Variants in SEMA3A observed in about 807,000 individuals in gnomAD.
The protein encoded by SEMA3A is semaphorin-3A.
In SEMA3A, 29 loss-of-function variants were observed where a neutral mutation model predicts 97.9. That is an observed-to-expected ratio of 0.30 (90% CI 0.22 to 0.40). SEMA3A has a LOEUF of 0.40. SEMA3A is among the 10% of genes least tolerant of loss of function. SEMA3A has a pLI of 1.00. For missense variants in SEMA3A, 763 were observed against 951.3 expected, an observed-to-expected ratio of 0.80 and a Z score of 2.60; for synonymous variants, 321 against 323.7, an observed-to-expected ratio of 0.99 and a Z score of 0.09.
chr7:84,031,829 T>C (rs560960403), intron 6 of SEMA3A, among the ~76,000 whole-genome samples: 1 of 152,016 alleles, frequency 6.6e-6, no homozygotes, highest in South Asian at 2.1e-4. Context: ...AGAGTGAAAC[T>C]CCATCTCAAA....
intron 2 of SEMA3A, among the ~76,000 whole-genome samples, chr7:84,132,654 G>A (rs1795996446): frequency 7.4e-6 from 1 of 135,710 alleles, no homozygotes; most frequent in Non-Finnish European, 1.6e-5. Flanking sequence ...TTTCTTCATC[G>A]ACTTGGTGTT....
intron 4 of SEMA3A, among the ~76,000 whole-genome samples, chr7:84,066,285 C>T (rs1002488646): frequency 6.6e-6 from 1 of 152,032 alleles, no homozygotes; most frequent in African/African-American, 2.4e-5. Flanking sequence ...ATAATAAGAG[C>T]TATCTATGAC....
intron 1 of SEMA3A, among the ~76,000 whole-genome samples, chr7:84,477,300 A>G (rs1806315722): frequency 6.6e-6 from 1 of 150,558 alleles, no homozygotes; most frequent in Non-Finnish European, 1.5e-5. Flanking sequence ...TTAGCCAGGC[A>G]TGGTGGAGGG....
At position 84,051,839 on chromosome 7, in the gene SEMA3A, C is replaced by A. The variant is rs567206910; in HGVS notation, c.548-5396G>T. The stretch of plus-strand genomic sequence containing the variant: ...TTTTGCACATTCAGTATGATATTGG[C>A]TGTGGGTTTGTCATAGATAGCTCTT... On this transcript the variant is annotated intron_variant, in intron 5 of 16. Coordinates refer to ENST00000265362, the MANE Select transcript of SEMA3A (RefSeq NM_006080.3). Among the ~76,000 whole-genome samples, 321 of 148,770 alleles carry A rather than the reference C, an allele frequency of 2.2e-3. 1 individual carries two copies. The highest frequency in any genetic ancestry group is 6.8e-3 in the African/African-American group (280 of 40,988).
chr7:83,986,093 G>A (rs1024465690), intron 12 of SEMA3A, among the ~76,000 whole-genome samples: 3 of 152,144 alleles, frequency 2.0e-5, no homozygotes, highest in South Asian at 2.1e-4. Flanking sequence ...TGGTCTCAGA[G>A]TGGTCCTTTC....
chr7:84,059,427 A>C (rs1432079853), intron 5 of SEMA3A, among the ~76,000 whole-genome samples: 1 of 152,104 alleles, frequency 6.6e-6, no homozygotes, highest in African/African-American at 2.4e-5. Flanking sequence ...ATATATCTTC[A>C]TGGTTAATAT....
chr7:84,365,879 C>G (rs536471682), intron 2 of SEMA3A, among the ~76,000 whole-genome samples: 3 of 151,008 alleles, frequency 2.0e-5, no homozygotes, highest in Non-Finnish European at 4.4e-5. Context: ...ATGAGTTTAA[C>G]TAATATTTAA....
At chr7:84,109,586 G>A (rs569156152) in intron 4 of SEMA3A, among the ~76,000 whole-genome samples, 2 of 152,328 alleles carry the variant, frequency 1.3e-5, no homozygotes, top group South Asian at 4.1e-4. Flanking sequence ...AATTTAGGGA[G>A]AGAGTCTAAA....
At chr7:84,313,356 G>GTGTATA (rs1247157469) in intron 2 of SEMA3A, among the ~76,000 whole-genome samples, 3 of 23,052 alleles carry the variant, frequency 1.3e-4, no homozygotes, top group East Asian at 1.9e-3. Context: ...ATGTGTGTGT[G>GTGTATA]TATATATATA....
chr7:84,314,969 T>C (rs1236976112), intron 2 of SEMA3A, among the ~76,000 whole-genome samples: 1 of 152,174 alleles, frequency 6.6e-6, no homozygotes, highest in East Asian at 1.9e-4. Flanking sequence ...CATAGTACTA[T>C]AAAATCATGA....
intron 6 of SEMA3A, among the ~76,000 whole-genome samples, chr7:84,045,841 C>A (rs957290999): frequency 6.6e-6 from 1 of 151,552 alleles, no homozygotes; most frequent in Non-Finnish European, 1.5e-5. Context: ...CAAATGAAAT[C>A]ATGATTTAAA....
intron 1 of SEMA3A, among the ~76,000 whole-genome samples, chr7:84,424,910 AATATAT>A (rs375982304): frequency 0.45 from 43,604 of 97,784 alleles, 10,719 homozygotes; most frequent in East Asian, 0.78. Context: ...TATAAACATA[AATATAT>A]ATATATATTT....
intron 6 of SEMA3A, among the ~76,000 whole-genome samples, chr7:84,014,924 C>T (rs1457825526): frequency 6.6e-6 from 1 of 152,160 alleles, no homozygotes; most frequent in Non-Finnish European, 1.5e-5. Context: ...AACATTCTAT[C>T]TATCAGCATA....
At chr7:84,054,063 G>A (rs1306992754) in intron 5 of SEMA3A, among the ~76,000 whole-genome samples, 1 of 151,716 alleles carries the variant, frequency 6.6e-6, no homozygotes, top group African/African-American at 2.4e-5. Context: ...TGGCTTGTAG[G>A]GTTTCTGCTG....
intron 1 of SEMA3A, among the ~76,000 whole-genome samples, chr7:84,384,643 T>C (rs1323123863): frequency 1.3e-5 from 2 of 152,160 alleles, no homozygotes; most frequent in South Asian, 2.1e-4. Context: ...GCTTCAATCA[T>C]GTGACTGTGT....
At chr7:84,021,477 C>T (rs1221971330) in intron 6 of SEMA3A, among the ~76,000 whole-genome samples, 2 of 152,130 alleles carry the variant, frequency 1.3e-5, no homozygotes, top group Non-Finnish European at 2.9e-5. Context: ...CTTATCTTTT[C>T]TCTCCTGGCA....
At position 84,091,208 on chromosome 7, in the gene SEMA3A, G is replaced by GAAAT. The variant is rs1458326492; in HGVS notation, c.453+19261_453+19262insATTT. 9.2e-4 allele frequency among the ~76,000 whole-genome samples: 64 copies of GAAAT among 69,314 alleles called. 3 individuals carry two copies. The South Asian group carries it at 0.028, about 30-fold the overall frequency. 45.5% of individuals were successfully genotyped at this position (69,314 alleles called of 152,430 possible). ...AGAAAGAAAGAAAGAAAGAAAGAAA[G>GAAAT]AAAGAAAAGAAAAGAAAGAAAAGAA... On this transcript the variant is annotated intron_variant, in intron 4 of 16. Coordinates refer to ENST00000265362, the MANE Select transcript of SEMA3A (RefSeq NM_006080.3).
chr7:84,024,335 G>A (rs1484931947), intron 6 of SEMA3A, among the ~76,000 whole-genome samples: 4 of 152,108 alleles, frequency 2.6e-5, no homozygotes, highest in African/African-American at 7.2e-5. Flanking sequence ...GAGGCCAGGA[G>A]GTTGAGACCA....
At position 84,091,201 on chromosome 7, in the gene SEMA3A, AAAG is replaced by A. The variant is rs1562774478; in HGVS notation, c.453+19266_453+19268del. On this transcript the variant is annotated intron_variant, in intron 4 of 16. Coordinates refer to ENST00000265362, the MANE Select transcript of SEMA3A (RefSeq NM_006080.3). ...GAAAGAAAGAAAGAAAGAAAGAAAG[AAAG>A]AAAGAAAGAAAAGAAAAGAAAGAAA... Among the ~76,000 whole-genome samples, 125 of 77,214 alleles carry A rather than the reference AAAG, an allele frequency of 1.6e-3. 4 individuals carry two copies. Among genetic ancestry groups the A allele is most frequent in the Non-Finnish European group, 2.4e-3 (85 of 35,844 alleles). 50.7% of individuals were successfully genotyped at this position (77,214 alleles called of 152,430 possible). A position where few individuals can be genotyped will look rare whatever the true frequency, so the allele number is the denominator to read the frequency against.
Sources: gnomAD v4.1 joint callset for allele counts (sites outside exome capture counted in the v4.1 genomes callset) on GRCh38, gnomAD v4.1.1 for gene constraint, MANE v1.5 for transcripts, NCBI Gene and HGNC (gene_info 2026-07-23, HGNC 2026-07-21) for gene names.